DLGAP1: variants seen among roughly 807,000 people sequenced by gnomAD.
DLGAP1 encodes the protein disks large-associated protein 1.
DLGAP1 carries 11 observed loss-of-function variants against 90.8 expected under a neutral mutation model. The ratio of observed to expected loss-of-function variants is 0.12; its 90% CI spans 0.08 to 0.20. The LOEUF is 0.20. DLGAP1 is among the 10% of genes least tolerant of loss of function. DLGAP1 has a pLI of 1.00. For synonymous variants in DLGAP1, 558 were observed against 540.7 expected (o/e 1.03, Z -0.44); for missense variants, 1,050 against 1,333.8 (o/e 0.79, Z 3.31).
At chr18:4,172,558 G>C (rs2077042016) in intron 1 of DLGAP1, among the ~76,000 whole-genome samples, 1 of 152,112 alleles carries the variant, frequency 6.6e-6, no homozygotes. Context: ...TTTCAAAGCT[G>C]ATCAACATTA....
intron 7 of DLGAP1, among the ~76,000 whole-genome samples, chr18:3,673,114 T>G (rs189982372): frequency 1.3e-5 from 2 of 152,306 alleles, no homozygotes; most frequent in East Asian, 3.9e-4. Flanking sequence ...CAGGCCCTAT[T>G]CTTTGGCTTC....
At chr18:3,954,419 C>T (rs11872564) in intron 3 of DLGAP1, among the ~76,000 whole-genome samples, 24,669 of 151,924 alleles carry the variant, frequency 0.16, 2,132 homozygotes, top group Middle Eastern at 0.21. Context: ...CATTTGAAGA[C>T]GAGTAATAGG....
chr18:4,345,240 T>A (rs1050906242), intron 1 of DLGAP1, among the ~76,000 whole-genome samples: 1 of 152,162 alleles, frequency 6.6e-6, no homozygotes, highest in Non-Finnish European at 1.5e-5. Context: ...CTCCCAAGGA[T>A]TCCCTACACT....
intron 2 of DLGAP1, among the ~76,000 whole-genome samples, chr18:4,015,311 C>G (rs982402833): frequency 6.6e-6 from 1 of 152,028 alleles, no homozygotes; most frequent in Non-Finnish European, 1.5e-5. Context: ...GTAGTGAAGA[C>G]CAAGAGCACT....
chr18:3,719,523 C>G (rs2147323894), intron 7 of DLGAP1, among the ~76,000 whole-genome samples: 1 of 141,918 alleles, frequency 7.0e-6, no homozygotes, highest in African/African-American at 2.7e-5. Flanking sequence ...CGCCACTGCA[C>G]TCCAGCCTGG....
intron 2 of DLGAP1, among the ~76,000 whole-genome samples, chr18:4,122,747 C>T (rs779043141): frequency 3.9e-5 from 6 of 152,094 alleles, no homozygotes; most frequent in Admixed American, 3.3e-4. Flanking sequence ...TGGAGACATC[C>T]TAAGGTTGTA....
intron 1 of DLGAP1, among the ~76,000 whole-genome samples, chr18:4,428,072 T>C (rs548797657): frequency 2.4e-4 from 36 of 152,190 alleles, no homozygotes; most frequent in Non-Finnish European, 4.7e-4. Context: ...ATTCATCTAT[T>C]TTTGGTAACA....
chr18:4,133,516 G>A (rs746034698), intron 2 of DLGAP1, among the ~76,000 whole-genome samples: 22 of 152,134 alleles, frequency 1.4e-4, no homozygotes, highest in Non-Finnish European at 3.1e-4. Flanking sequence ...CCTGGAGTCT[G>A]GTCACCATCG....
At chr18:4,058,961 C>G (rs1228272225) in intron 2 of DLGAP1, among the ~76,000 whole-genome samples, 2 of 152,204 alleles carry the variant, frequency 1.3e-5, no homozygotes, top group African/African-American at 2.4e-5. Context: ...TAGGCTGGCC[C>G]AAGGCCAAAG....
At chr18:4,324,437 T>C (rs2080769353) in intron 1 of DLGAP1, among the ~76,000 whole-genome samples, 1 of 151,886 alleles carries the variant, frequency 6.6e-6, no homozygotes. Flanking sequence ...CTGTCAGATG[T>C]ATAAACAGGA....
intron 6 of DLGAP1, among the ~76,000 whole-genome samples, chr18:3,740,168 G>A (rs929969645): frequency 6.6e-6 from 1 of 152,156 alleles, no homozygotes; most frequent in African/African-American, 2.4e-5. Context: ...TATTCTGCAT[G>A]TATGACCCCT....
rs187609746 is a variant in DLGAP1 at position 4,147,643 on chromosome 18, A to G, written c.-159+3537T>C. ...CATCCATCCATCCTTTATCCATCCA[A>G]CAGATATTTATGGGTTTCCAAAGTC... On this transcript the variant is annotated intron_variant, in intron 2 of 12. Coordinates refer to ENST00000315677, the MANE Select transcript of DLGAP1 (RefSeq NM_004746.4). Among the ~76,000 whole-genome samples the G allele has an allele frequency of 2.6e-5, 4 of 151,768 alleles. No individual in the cohort carries two copies. The East Asian group carries it at 7.8e-4, about 29-fold the overall frequency.
intron 1 of DLGAP1, among the ~76,000 whole-genome samples, chr18:4,350,694 A>T (rs2081386905): frequency 6.6e-6 from 1 of 152,168 alleles, no homozygotes; most frequent in Non-Finnish European, 1.5e-5. Flanking sequence ...GAATTTCATA[A>T]CATACATATA....
chr18:3,656,408 G>A (rs2146524673), intron 7 of DLGAP1: 1 of 359,704 alleles, frequency 2.8e-6, no homozygotes, highest in Non-Finnish European at 5.1e-6. Context: ...CTATTTCTGT[G>A]TATAAATTAT....
intron 5 of DLGAP1, among the ~76,000 whole-genome samples, chr18:3,793,700 T>C (rs2065853542): frequency 6.6e-6 from 1 of 152,148 alleles, no homozygotes. Context: ...CCTGCTCTCC[T>C]GCATGGCCTC....
chr18:3,852,094 G>A (rs1038792594), intron 4 of DLGAP1, among the ~76,000 whole-genome samples: 5 of 152,068 alleles, frequency 3.3e-5, no homozygotes, highest in Non-Finnish European at 7.4e-5. Flanking sequence ...GATCTCAGAA[G>A]AAGAAAGCCA....
At chr18:3,725,859 C>T (rs1026615976) in intron 7 of DLGAP1, among the ~76,000 whole-genome samples, 1 of 152,180 alleles carries the variant, frequency 6.6e-6, no homozygotes, top group Non-Finnish European at 1.5e-5. Flanking sequence ...TCCCTGCAGC[C>T]ACCTAGAGCT....
chr18:4,443,347 T>C (rs1315497091), intron 1 of DLGAP1, among the ~76,000 whole-genome samples: 1 of 152,188 alleles, frequency 6.6e-6, no homozygotes, highest in Non-Finnish European at 1.5e-5. Context: ...CAAGGCACAC[T>C]CATGCAGGAG....
chr18:3,783,578 T>C (rs992176799), intron 5 of DLGAP1, among the ~76,000 whole-genome samples: 1 of 152,120 alleles, frequency 6.6e-6, no homozygotes, highest in African/African-American at 2.4e-5. Flanking sequence ...GGCAAATCCA[T>C]AGAGACAAAG....
Sources: gnomAD v4.1 joint callset for allele counts (sites outside exome capture counted in the v4.1 genomes callset) on GRCh38, gnomAD v4.1.1 for gene constraint, MANE v1.5 for transcripts, NCBI Gene and HGNC (gene_info 2026-07-23, HGNC 2026-07-21) for gene names.